Variants in RBBP8 observed in about 807,000 individuals in gnomAD.
RBBP8 encodes the protein DNA endonuclease RBBP8.
In RBBP8, 88 loss-of-function variants were observed where a neutral mutation model predicts 108.3. The ratio of observed to expected loss-of-function variants is 0.81; its 90% confidence interval spans 0.68 to 0.97. The LOEUF is 0.97. Among genes scored for constraint, RBBP8 ranks in the 50% least tolerant of loss-of-function variants. RBBP8 has a pLI of 0.00. For missense variants in RBBP8, 1,023 were observed against 1,049.0 expected (o/e 0.98, Z 0.34); for synonymous variants, 332 against 348.2 (o/e 0.95, Z 0.52).
At chr18:22,940,556 G>A (rs766878327) in intron 2 of RBBP8, among the ~76,000 whole-genome samples, 5 of 151,826 alleles carry the variant, frequency 3.3e-5, no homozygotes, top group South Asian at 2.1e-4. Flanking sequence ...TCCCGACCTC[G>A]TGATCCGCCC....
In RBBP8 at chr18:23,026,375, TTG is replaced by T; in HGVS notation, c.*138_*139del. ...TAAATCAGTTTTCTATTGAAAATGT[TTG>T]TGATATTTTGCTTTTGCACCTTTAA... On this transcript the variant is annotated 3_prime_UTR_variant, in exon 19 of 19. Transcript: ENST00000327155. 1 of 850,914 alleles carries T rather than the reference TTG, an allele frequency of 1.2e-6. No homozygotes were observed. Among genetic ancestry groups the T allele is most frequent in the Non-Finnish European group, 1.9e-6 (1 of 532,446 alleles). 52.7% of individuals were successfully genotyped at this position (850,914 alleles called of 1,614,324 possible). A position where few individuals can be genotyped will look rare whatever the true frequency, so the allele number is the denominator to read the frequency against.
chr18:22,998,859 GAGAAGCCAATACCTATTAAA>G (rs2045901407), intron 14 of RBBP8, among the ~76,000 whole-genome samples: 1 of 152,216 alleles, frequency 6.6e-6, no homozygotes, highest in Admixed American at 6.5e-5. Flanking sequence ...TACCTGGGTA[GAGAAGCCAATACCTATTAAA>G]AGAAAAAACC....
At chr18:22,978,865 G>T (rs768955912) in intron 6 of RBBP8, among the ~76,000 whole-genome samples, 2 of 152,226 alleles carry the variant, frequency 1.3e-5, no homozygotes, top group Non-Finnish European at 2.9e-5. Flanking sequence ...AGATAAGTGT[G>T]TGAAGTGATA....
At chr18:23,011,066 A>T (rs921554056) in intron 16 of RBBP8, among the ~76,000 whole-genome samples, 1 of 152,232 alleles carries the variant, frequency 6.6e-6, no homozygotes, top group Non-Finnish European at 1.5e-5. Flanking sequence ...CCCTTTTCTA[A>T]TTCACAGATC....
At chr18:22,971,275 T>C (rs1222827428) in intron 5 of RBBP8, among the ~76,000 whole-genome samples, 1 of 152,226 alleles carries the variant, frequency 6.6e-6, no homozygotes, top group Non-Finnish European at 1.5e-5. Context: ...TCTGAGGTCT[T>C]TCATTAGCTT....
intron 16 of RBBP8, among the ~76,000 whole-genome samples, chr18:23,012,950 GA>G (rs998001217): frequency 6.6e-6 from 1 of 152,048 alleles, no homozygotes; most frequent in Non-Finnish European, 1.5e-5. Context: ...AAAATCCTAG[GA>G]CCCTGAAGAA....
chr18:23,003,667 G>T (rs779406992), intron 15 of RBBP8, among the ~76,000 whole-genome samples: 31 of 152,096 alleles, frequency 2.0e-4, no homozygotes, highest in Non-Finnish European at 3.8e-4. Flanking sequence ...TTTAATCTTT[G>T]TCACCAATTT....
At chr18:22,966,102 T>C (rs571211450) in intron 4 of RBBP8, among the ~76,000 whole-genome samples, 3 of 152,338 alleles carry the variant, frequency 2.0e-5, no homozygotes, top group African/African-American at 2.4e-5. Context: ...TTTCGTTTTT[T>C]TGTTTTGTTT....
chr18:22,944,059 A>G (rs1376894119), intron 2 of RBBP8, among the ~76,000 whole-genome samples: 1 of 152,240 alleles, frequency 6.6e-6, no homozygotes, highest in Non-Finnish European at 1.5e-5. Flanking sequence ...TTACCTGTTC[A>G]TACAGGAGCT....
rs778196068 is a variant in RBBP8, at chr18:22,993,802, AAT to A, written c.1895_1896del (p.Asn632ThrfsTer3). 6 of 1,613,700 alleles carry A rather than the reference AAT, an allele frequency of 3.7e-6. No homozygotes were observed. The highest frequency in any genetic ancestry group is 5.1e-6 in the Non-Finnish European group (6 of 1,179,624). Reference sequence around the variant, plus strand: ...TGAACTTGCATCAGTTCTTCAGTTAAATCCATGTAGAACTGGTAAAATAAAGT... The same window carrying A: ...TGAACTTGCATCAGTTCTTCAGTTAACCATGTAGAACTGGTAAAATAAAGT... ...GCELASVLQL[N>X]PCRTGKIKSL... On this transcript the variant is annotated frameshift_variant, in exon 12 of 19. Coordinates refer to ENST00000327155, the MANE Select transcript of RBBP8 (RefSeq NM_002894.3). LOFTEE classifies it high-confidence loss of function.
intron 4 of RBBP8, among the ~76,000 whole-genome samples, chr18:22,962,238 T>G (rs1324888789): frequency 6.6e-6 from 1 of 152,192 alleles, no homozygotes; most frequent in African/African-American, 2.4e-5. Context: ...ACTTTTTTTT[T>G]TCTCCTGCTG....
intron 6 of RBBP8, among the ~76,000 whole-genome samples, chr18:22,976,586 T>C (rs1298787404): frequency 6.6e-6 from 1 of 152,154 alleles, no homozygotes; most frequent in Non-Finnish European, 1.5e-5. Context: ...CCACTGGAGC[T>C]GTTATGTAAT....
intron 16 of RBBP8, among the ~76,000 whole-genome samples, chr18:23,012,527 C>T (rs2046186251): frequency 6.6e-6 from 1 of 151,888 alleles, no homozygotes; most frequent in African/African-American, 2.4e-5. Context: ...CCAGCCACCG[C>T]ATTCCTTTAA....
At chr18:22,953,371 A>G (rs1487613380) in intron 4 of RBBP8, among the ~76,000 whole-genome samples, 1 of 152,224 alleles carries the variant, frequency 6.6e-6, no homozygotes. Context: ...ATTGACTTCC[A>G]GTACTCTTCC....
chr18:22,982,170 T>G, intron 6 of RBBP8, 48 bp from the exon 7 acceptor site: 1 of 1,566,712 alleles, frequency 6.4e-7, no homozygotes, highest in South Asian at 1.1e-5. Flanking sequence ...TAGTAAATGT[T>G]TTAATACTCA....
intron 15 of RBBP8, among the ~76,000 whole-genome samples, chr18:23,002,246 A>G (rs2045961036): frequency 6.6e-6 from 1 of 152,058 alleles, no homozygotes; most frequent in Non-Finnish European, 1.5e-5. Context: ...ATAAAACCTC[A>G]TTTCTACAAA....
At chr18:22,967,926 C>T (rs996106099) in intron 4 of RBBP8, among the ~76,000 whole-genome samples, 1 of 152,056 alleles carries the variant, frequency 6.6e-6, no homozygotes, top group Non-Finnish European at 1.5e-5. Context: ...GGATTACAGG[C>T]GTGAGCCACT....
intron 6 of RBBP8, among the ~76,000 whole-genome samples, chr18:22,980,294 A>C (rs1914812045): frequency 6.6e-6 from 1 of 152,204 alleles, no homozygotes; most frequent in Non-Finnish European, 1.5e-5. Context: ...TACTATGTTA[A>C]AAAGCAGTAA....
intron 5 of RBBP8, among the ~76,000 whole-genome samples, chr18:22,972,492 C>T (rs1914183841): frequency 1.3e-5 from 2 of 149,394 alleles, no homozygotes; most frequent in South Asian, 4.3e-4. Context: ...CGGCTCACTG[C>T]AACCTCTGTC....
Sources: gnomAD v4.1 joint callset for allele counts (sites outside exome capture counted in the v4.1 genomes callset) on GRCh38, gnomAD v4.1.1 for gene constraint, MANE v1.5 for transcripts, NCBI Gene and HGNC (gene_info 2026-07-23, HGNC 2026-07-21) for gene names.